PRR16: variants seen among roughly 807,000 people sequenced by gnomAD.
PRR16 encodes the protein protein Largen.
Under a neutral mutation model 18.2 loss-of-function variants are expected in PRR16, and 6 were observed. The ratio of observed to expected loss-of-function variants is 0.33; its 90% confidence interval spans 0.18 to 0.65. PRR16 has a LOEUF of 0.65. PRR16 is among the 30% of genes least tolerant of loss of function. The probability of loss-of-function intolerance (pLI) is 0.74; values close to 1 mark genes in which losing one functional copy is unlikely to be tolerated. For synonymous variants in PRR16, 151 were observed against 147.8 expected, an observed-to-expected ratio of 1.02 and a Z score of -0.16; for missense variants, 412 against 376.6, an observed-to-expected ratio of 1.09 and a Z score of -0.78.
At chr5:120,637,317 G>GA (rs372136712) in intron 1 of PRR16, among the ~76,000 whole-genome samples, 14,616 of 62,620 alleles carry the variant, frequency 0.23, 4,090 homozygotes, top group East Asian at 0.82. Context: ...CCATTATACG[G>GA]AAAAAAAAAA....
intron 1 of PRR16, among the ~76,000 whole-genome samples, chr5:120,628,613 T>A (rs938451335): frequency 1.3e-5 from 2 of 152,036 alleles, no homozygotes; most frequent in African/African-American, 4.8e-5. Flanking sequence ...TTATTTTTTG[T>A]ATGAAATTTT....
chr5:120,786,571 A>G, the PRR16 span, among the ~76,000 whole-genome samples: 5 of 149,140 alleles, frequency 3.4e-5, no homozygotes, highest in Non-Finnish European at 7.4e-5. Context: ...TTTATAAAAT[A>G]TATTTCAAAA....
chr5:120,603,132 T>G (rs1754041124), intron 1 of PRR16, among the ~76,000 whole-genome samples: 1 of 151,920 alleles, frequency 6.6e-6, no homozygotes, highest in Non-Finnish European at 1.5e-5. Context: ...AATTTCAGTA[T>G]AGTTGGAACC....
chr5:120,732,614 C>A, the PRR16 span, among the ~76,000 whole-genome samples: 1 of 152,220 alleles, frequency 6.6e-6, no homozygotes, highest in East Asian at 1.9e-4. Context: ...ATAGGTTGTG[C>A]CTTTACCCCA....
the PRR16 span, among the ~76,000 whole-genome samples, chr5:120,753,063 A>C: frequency 6.6e-6 from 1 of 152,018 alleles, no homozygotes; most frequent in African/African-American, 2.4e-5. Context: ...GAGCAGAGGA[A>C]TGATATGACT....
intron 1 of PRR16, among the ~76,000 whole-genome samples, chr5:120,597,658 A>G (rs1753856946): frequency 6.6e-6 from 1 of 151,792 alleles, no homozygotes; most frequent in African/African-American, 2.4e-5. Context: ...TCTGAGTAAC[A>G]TGATCATAGA....
intron 1 of PRR16, among the ~76,000 whole-genome samples, chr5:120,649,040 T>C (rs1186968300): frequency 6.6e-6 from 1 of 152,170 alleles, no homozygotes; most frequent in Non-Finnish European, 1.5e-5. Flanking sequence ...TAGTTTAATT[T>C]TTAATAATCG....
the PRR16 span, among the ~76,000 whole-genome samples, chr5:120,775,981 T>C: frequency 3.7e-4 from 56 of 151,852 alleles, 1 homozygote; most frequent in South Asian, 0.011. Context: ...ACTTTCCAGA[T>C]AAAAACACTA....
At chr5:120,529,416 A>G (rs1352039417) in intron 1 of PRR16, among the ~76,000 whole-genome samples, 1 of 152,172 alleles carries the variant, frequency 6.6e-6, no homozygotes. Context: ...TAAGTGTACT[A>G]AAATAATTTA....
chr5:120,648,282 T>C (rs1174543260), intron 1 of PRR16, among the ~76,000 whole-genome samples: 1 of 152,156 alleles, frequency 6.6e-6, no homozygotes, highest in African/African-American at 2.4e-5. Flanking sequence ...GTTTCATGTT[T>C]AGTAGCTTCA....
chr5:120,496,037 T>G (rs1486763931), intron 1 of PRR16, among the ~76,000 whole-genome samples: 1 of 152,062 alleles, frequency 6.6e-6, no homozygotes, highest in Non-Finnish European at 1.5e-5. Flanking sequence ...GATATGGAAT[T>G]TTCACAAATA....
At chr5:120,676,839 T>A (rs1402113743) in intron 1 of PRR16, among the ~76,000 whole-genome samples, 5 of 152,208 alleles carry the variant, frequency 3.3e-5, no homozygotes, top group Admixed American at 6.5e-5. Context: ...TTTAGTGAAG[T>A]TCCCCTGAGC....
the PRR16 span, among the ~76,000 whole-genome samples, chr5:120,762,307 A>AGG: frequency 1.3e-5 from 2 of 152,076 alleles, no homozygotes; most frequent in African/African-American, 4.8e-5. Flanking sequence ...TTTTCATAAT[A>AGG]ATTGTATTAA....
chr5:120,745,216 CTCT>C, the PRR16 span, among the ~76,000 whole-genome samples: 15,753 of 152,182 alleles, frequency 0.1, 1,033 homozygotes, highest in African/African-American at 0.18. Context: ...CCCCAGAAAT[CTCT>C]TTTTTTATTC....
chr5:120,612,141 T>A (rs888184515), intron 1 of PRR16, among the ~76,000 whole-genome samples: 3 of 152,228 alleles, frequency 2.0e-5, no homozygotes, highest in African/African-American at 7.2e-5. Flanking sequence ...TTAGAATGGC[T>A]GTATTTACCC....
At chr5:120,737,544 T>C in the PRR16 span, among the ~76,000 whole-genome samples, 1 of 151,898 alleles carries the variant, frequency 6.6e-6, no homozygotes, top group Admixed American at 6.6e-5. Context: ...TAGTATTTTG[T>C]ACATCTCTTC....
At chr5:120,727,928 TAGA>T in the PRR16 span, among the ~76,000 whole-genome samples, 1 of 152,084 alleles carries the variant, frequency 6.6e-6, no homozygotes, top group African/African-American at 2.4e-5. Context: ...GTGTTAATAA[TAGA>T]AGAAACCCTG....
chr5:120,665,286 C>T (rs574268772), intron 1 of PRR16, among the ~76,000 whole-genome samples: 7 of 151,498 alleles, frequency 4.6e-5, no homozygotes, highest in Admixed American at 4.6e-4. Context: ...TATCCTTCAC[C>T]CACTTTTTGA....
the PRR16 span, among the ~76,000 whole-genome samples, chr5:120,702,735 G>A: frequency 1.3e-4 from 20 of 152,296 alleles, no homozygotes; most frequent in African/African-American, 4.6e-4. Flanking sequence ...AGAAGGGAGA[G>A]GTTGAAGAGT....
Sources: gnomAD v4.1 joint callset for allele counts (sites outside exome capture counted in the v4.1 genomes callset) on GRCh38, gnomAD v4.1.1 for gene constraint, MANE v1.5 for transcripts, NCBI Gene and HGNC (gene_info 2026-07-23, HGNC 2026-07-21) for gene names.